Variants in GOLGA3 observed in about 807,000 individuals in gnomAD.
The protein encoded by GOLGA3 is golgin A3, also known as golgin subfamily A member 3.
A neutral mutation model predicts 169.4 loss-of-function variants in GOLGA3; 75 were observed. The observed-to-expected ratio is 0.44, with a 90% CI of 0.37 to 0.54. The LOEUF is 0.54. Ranked by LOEUF, GOLGA3 falls within the 20% of genes least tolerant of loss-of-function variation. GOLGA3 has a pLI of 0.00. For synonymous variants in GOLGA3, 824 were observed against 822.4 expected, an observed-to-expected ratio of 1.00 and a Z score of -0.03; for missense variants, 1,899 against 1,930.0, an observed-to-expected ratio of 0.98 and a Z score of 0.30.
Position 132,782,311 on chromosome 12 carries a change from G to C in GOLGA3, c.3450C>G (p.Val1150=). ...GTTTGAATACCTGAAGGTTCAACTG[G>C]ACTAGGTCTGCCTCCCTCTTGGCCA... ...TALAKREADL[V]QLNLQVQAVL... is the part of the protein sequence containing the mutation. Residue 1150 remains valine, a synonymous_variant, in exon 17 of 24, where the codon GTC becomes GTG. Coordinates refer to ENST00000450791, the MANE Select transcript of GOLGA3 (RefSeq NM_001389683.1). 1 of 1,613,978 alleles carries C rather than the reference G, an allele frequency of 6.2e-7. No homozygotes were observed. The highest frequency in any genetic ancestry group is 1.7e-4 in the Middle Eastern group (1 of 6,014).
At chr12:132,809,536 T>C (rs1949599512) in intron 4 of GOLGA3, among the ~76,000 whole-genome samples, 1 of 151,398 alleles carries the variant, frequency 6.6e-6, no homozygotes, top group Non-Finnish European at 1.5e-5. Flanking sequence ...ACGGGCGTCT[T>C]CCCGTCTTCC....
intron 2 of GOLGA3, among the ~76,000 whole-genome samples, chr12:132,819,368 A>G (rs1410220469): frequency 6.6e-6 from 1 of 152,100 alleles, no homozygotes; most frequent in Non-Finnish European, 1.5e-5. Flanking sequence ...TCTCTACTAA[A>G]AATACAAAGA....
intron 18 of GOLGA3, among the ~76,000 whole-genome samples, chr12:132,778,985 G>A (rs1443486019): frequency 6.6e-6 from 1 of 150,760 alleles, no homozygotes; most frequent in African/African-American, 2.4e-5. Flanking sequence ...CTGAACCACG[G>A]CCCAGCAGCA....
Position 132,774,354 on chromosome 12 carries a change from C to T in GOLGA3, c.4144-34G>A, listed in dbSNP as rs372716935. 3.1e-5 allele frequency: 50 copies of T among 1,606,180 alleles called. 1 individual carries two copies. Among genetic ancestry groups the T allele is most frequent in the South Asian group, 2.5e-4 (23 of 91,028 alleles). ...AAAAGCACATGATCAGCTTTCCCAC[C>T]GTCCCCTCCCTCGGGTCAGTCTCAC... On this transcript the variant is annotated intron_variant, in intron 22 of 23. Transcript: ENST00000450791.
At chr12:132,816,986 C>T (rs1333569797) in intron 2 of GOLGA3, among the ~76,000 whole-genome samples, 174 bp from the exon 3 acceptor site, 1 of 152,232 alleles carries the variant, frequency 6.6e-6, no homozygotes, top group South Asian at 2.1e-4. Context: ...GTCCCACAGG[C>T]GGGGTGGCCA....
intron 11 of GOLGA3, among the ~76,000 whole-genome samples, chr12:132,791,587 G>A (rs1002793235): frequency 6.6e-6 from 1 of 151,592 alleles, no homozygotes; most frequent in Non-Finnish European, 1.5e-5. Context: ...TCCAGGAAAG[G>A]ACACATCTGC....
chr12:132,808,006 G>C lies in GOLGA3; in HGVS notation c.1063C>G (p.Leu355Val), dbSNP rs776306955. The change falls in exon 5 of 24, where the codon CTG becomes GTG. Residue 355 changes from leucine (L) to valine (V), a missense_variant. Transcript: ENST00000450791. ...TCCTTAATGGAGGGGAACTGGCCCA[G>C]GGTATCCGCAGGAATCTCCTGGCCG... ...VNGQEIPADT[L>V]GQFPSIKDVL... 6.2e-7 allele frequency: 1 copy of C among 1,612,058 alleles called. No homozygotes were observed. Among genetic ancestry groups the C allele is most frequent in the Non-Finnish European group, 8.5e-7 (1 of 1,179,074 alleles).
In GOLGA3 at chr12:132,804,576, G is replaced by A. The variant is rs1020520307; in HGVS notation, c.1597+140C>T. The A allele has an allele frequency of 5.8e-6, 4 of 693,250 alleles. No homozygotes were observed. The highest frequency in any genetic ancestry group is 5.3e-5 in the African/African-American group (3 of 56,438). The allele number at this position is 693,250 out of a possible 1,614,324, so 42.9% of individuals were successfully genotyped here. Reference sequence around the variant, plus strand: ...CCAGTCGAGGAAGGAGGGAGCAGCGGGGACCAGTCGAGGAAGGAGGAGGGA... The same window carrying A: ...CCAGTCGAGGAAGGAGGGAGCAGCGAGGACCAGTCGAGGAAGGAGGAGGGA... On this transcript the variant is annotated intron_variant, in intron 7 of 23. Coordinates refer to ENST00000450791, the MANE Select transcript of GOLGA3 (RefSeq NM_001389683.1). This position sits in a 1 kb window ranked among gnomAD's most constrained non-coding sequence, Gnocchi z 4.1.
At position 132,803,071 on chromosome 12, in the gene GOLGA3, C is replaced by A. The variant is rs977672846; in HGVS notation, c.1598-1102G>T. ...ACTCCGTCTCAAAAACAAAACAAAA[C>A]AACAACAACAACAAAACAACAAAAA... On this transcript the variant is annotated intron_variant, in intron 7 of 23. Coordinates refer to ENST00000450791, the MANE Select transcript of GOLGA3 (RefSeq NM_001389683.1). Among the ~76,000 whole-genome samples, 6 of 73,848 alleles carry A rather than the reference C, an allele frequency of 8.1e-5. No homozygotes were observed. In the South Asian group the frequency reaches 1.9e-3, roughly 23 times the overall value. The allele number at this position is 73,848 out of a possible 152,430, so 48.4% of individuals were successfully genotyped here. A position where few individuals can be genotyped will look rare whatever the true frequency, so the allele number is the denominator to read the frequency against.
intron 11 of GOLGA3, among the ~76,000 whole-genome samples, chr12:132,792,625 G>A (rs191867527): frequency 5.0e-4 from 75 of 151,192 alleles, no homozygotes; most frequent in East Asian, 4.7e-3. Flanking sequence ...CCTGCACTCC[G>A]AGGGCTCCAC....
chr12:132,776,063 C>T (rs1056435708), intron 21 of GOLGA3, among the ~76,000 whole-genome samples: 4 of 152,232 alleles, frequency 2.6e-5, no homozygotes, highest in Non-Finnish European at 5.9e-5. Flanking sequence ...GCCAGCTCCC[C>T]GGGAGCACTG....
intron 11 of GOLGA3, among the ~76,000 whole-genome samples, chr12:132,791,742 G>A (rs1206720848): frequency 7.7e-6 from 1 of 129,524 alleles, no homozygotes; most frequent in African/African-American, 2.9e-5. Flanking sequence ...TACACTGAGG[G>A]CTCCAGGAGG....
chr12:132,783,507 G>GCGGGGGCGCCGGGAAGCAGGAGGGC (rs2045723802), intron 16 of GOLGA3, among the ~76,000 whole-genome samples: 1 of 149,420 alleles, frequency 6.7e-6, no homozygotes, highest in Non-Finnish European at 1.5e-5. Flanking sequence ...GGGCTGGGGA[G>GCGGGGGCGCCGGGAAGCAGGAGGGC]TGGGGGGCGC....
intron 15 of GOLGA3, among the ~76,000 whole-genome samples, chr12:132,785,959 C>T (rs898209358): frequency 6.6e-6 from 1 of 152,248 alleles, no homozygotes; most frequent in Non-Finnish European, 1.5e-5. Flanking sequence ...CTCACTCCTG[C>T]TTCTCAGTGA....
intron 8 of GOLGA3, among the ~76,000 whole-genome samples, chr12:132,801,149 A>C: frequency 6.6e-6 from 1 of 152,120 alleles, no homozygotes; most frequent in East Asian, 1.9e-4. Context: ...ACGGACACAC[A>C]CTCCCACATA....
In GOLGA3 at chr12:132,813,323, T is replaced by C; in HGVS notation, c.503A>G (p.Lys168Arg). The C allele has an allele frequency of 6.2e-7, 1 of 1,611,540 alleles. No individual in the cohort carries two copies. The highest frequency in any genetic ancestry group is 8.5e-7 in the Non-Finnish European group (1 of 1,177,968). Residue 168 changes from lysine (K) to arginine (R), a missense_variant, in exon 4 of 24, where the codon AAG (lysine) becomes AGG (arginine). Coordinates refer to ENST00000450791, the MANE Select transcript of GOLGA3 (RefSeq NM_001389683.1). ...LEEQLKQYRV[K>R]RQQERSSQPA... ...GAGACTCACCCTCTCCTGCTGGCGC[T>C]TCACCCTGTACTGTTTGAGCTGCTC...
At chr12:132,785,148 C>T (rs76800657) in intron 15 of GOLGA3, among the ~76,000 whole-genome samples, 2,612 of 152,306 alleles carry the variant, frequency 0.017, 70 homozygotes, top group African/African-American at 0.059. Context: ...GACATCGGCT[C>T]GCAGCTGTGC....
At chr12:132,773,442 T>G in intron 23 of GOLGA3, 148 bp from the exon 24 acceptor site, 9 of 499,888 alleles carry the variant, frequency 1.8e-5, no homozygotes, top group South Asian at 3.1e-5. Flanking sequence ...GAAGCTCAGC[T>G]GTTCTCAGCA....
intron 2 of GOLGA3, among the ~76,000 whole-genome samples, chr12:132,817,066 C>T (rs1949989535): frequency 6.6e-6 from 1 of 151,846 alleles, no homozygotes; most frequent in Admixed American, 6.5e-5. Context: ...CACACCTCCA[C>T]ACTCTAACGT....
Sources: gnomAD v4.1 joint callset for allele counts (sites outside exome capture counted in the v4.1 genomes callset) on GRCh38, gnomAD v4.1.1 for gene constraint, Gnocchi (gnomAD v3.1) non-coding constraint, MANE v1.5 for transcripts, NCBI Gene and HGNC (gene_info 2026-07-23, HGNC 2026-07-21) for gene names.